EPS8: variants seen among roughly 807,000 people sequenced by gnomAD.
EPS8 encodes the protein epidermal growth factor receptor kinase substrate 8.
Under a neutral mutation model 103.8 loss-of-function variants are expected in EPS8, and 42 were observed. The observed-to-expected ratio is 0.40, with a 90% confidence interval of 0.32 to 0.52. The LOEUF is 0.52. Among genes scored for constraint, EPS8 ranks in the 20% least tolerant of loss-of-function variants. The pLI, the probability that EPS8 is intolerant of heterozygous loss-of-function variation, is 0.40. For synonymous variants in EPS8, 344 were observed against 344.6 expected (o/e 1.00, Z 0.02); for missense variants, 969 against 1,005.1 (o/e 0.96, Z 0.49).
In EPS8 at chr12:15,658,179, A is replaced by G; in HGVS notation, c.1027-26T>C. ...CTGCAACATGAAGAAAACAGAAAAC[A>G]GATTACTATCAAGCAAGACAGACAC... On this transcript the variant is annotated intron_variant, in intron 11 of 20. Coordinates refer to ENST00000281172, the MANE Select transcript of EPS8 (RefSeq NM_004447.6). The G allele has an allele frequency of 1.3e-6, 2 of 1,525,352 alleles. 1 individual carries two copies. The highest frequency in any genetic ancestry group is 3.4e-5 in the Admixed American group (2 of 59,650). 94.5% of individuals were successfully genotyped at this position (1,525,352 alleles called of 1,614,324 possible). A position where few individuals can be genotyped will look rare whatever the true frequency, so the allele number is the denominator to read the frequency against.
intron 1 of EPS8, among the ~76,000 whole-genome samples, chr12:15,773,446 C>CATAT (rs1406100049): frequency 6.6e-6 from 1 of 151,726 alleles, no homozygotes; most frequent in Non-Finnish European, 1.5e-5. Flanking sequence ...TGGTATTAAA[C>CATAT]ATATGCACAG....
intron 1 of EPS8, among the ~76,000 whole-genome samples, chr12:15,732,287 A>G (rs148735238): frequency 6.6e-6 from 1 of 152,332 alleles, no homozygotes; most frequent in African/African-American, 2.4e-5. Flanking sequence ...AATGCATTCC[A>G]TTTTGAGCCC....
intron 1 of EPS8, among the ~76,000 whole-genome samples, chr12:15,746,201 T>C (rs2136012863): frequency 6.6e-6 from 1 of 152,332 alleles, no homozygotes; most frequent in South Asian, 2.1e-4. Context: ...CTGCCCTCAG[T>C]AGCACTGTGT....
chr12:15,735,873 A>G lies in EPS8; in HGVS notation c.-21-52901T>C, dbSNP rs1946762699. Among the ~76,000 whole-genome samples, 1 of 151,990 alleles carries G rather than the reference A, an allele frequency of 6.6e-6. No individual in the cohort carries two copies. Among genetic ancestry groups the G allele is most frequent in the South Asian group, 2.1e-4 (1 of 4,832 alleles). On this transcript the variant is annotated intron_variant, in intron 1 of 20. Coordinates refer to ENST00000281172, the MANE Select transcript of EPS8 (RefSeq NM_004447.6). This position sits in a 1 kb window ranked among gnomAD's most constrained non-coding sequence, Gnocchi z 4.4. ...AGAAAAAAATGCCAATAATAGGACAAAGACAAAGAGTTTGTGTTTTTTTGT... is the reference window on the plus strand; with the variant it reads ...AGAAAAAAATGCCAATAATAGGACAGAGACAAAGAGTTTGTGTTTTTTTGT...
At chr12:15,650,120 C>T (rs1228477225) in intron 14 of EPS8, among the ~76,000 whole-genome samples, 1 of 152,174 alleles carries the variant, frequency 6.6e-6, no homozygotes, top group African/African-American at 2.4e-5. Context: ...ATTCCCTCAA[C>T]TTGATTCCCA....
chr12:15,677,652 A>C (rs1945932339), intron 3 of EPS8, among the ~76,000 whole-genome samples: 1 of 152,248 alleles, frequency 6.6e-6, no homozygotes, highest in Admixed American at 6.5e-5. Flanking sequence ...GTGAGAAAAC[A>C]AATTATATCA....
chr12:15,699,650 G>A (rs1329980086), intron 1 of EPS8, among the ~76,000 whole-genome samples: 1 of 152,138 alleles, frequency 6.6e-6, no homozygotes, highest in East Asian at 1.9e-4. Flanking sequence ...TACCATTCGA[G>A]GCTCGACCAT....
At chr12:15,656,411 C>A (rs1316665009) in intron 12 of EPS8, among the ~76,000 whole-genome samples, 1 of 152,130 alleles carries the variant, frequency 6.6e-6, no homozygotes, top group African/African-American at 2.4e-5. Flanking sequence ...TAGGAGCATT[C>A]ATAAGTTATT....
chr12:15,646,605 AAAT>A (rs2135773388), intron 15 of EPS8, among the ~76,000 whole-genome samples: 1 of 152,364 alleles, frequency 6.6e-6, no homozygotes, highest in East Asian at 1.9e-4. Context: ...AGATATAGAA[AAAT>A]AAATGAAATG....
At chr12:15,624,458 C>A in intron 18 of EPS8, 51 bp from the exon 19 acceptor site, 1 of 1,384,198 alleles carries the variant, frequency 7.2e-7, no homozygotes. Flanking sequence ...AATATTACAT[C>A]ACCCTCTCTA....
At chr12:15,763,814 A>G (rs890360513) in intron 1 of EPS8, among the ~76,000 whole-genome samples, 7 of 152,194 alleles carry the variant, frequency 4.6e-5, no homozygotes, top group African/African-American at 1.7e-4. Flanking sequence ...CACACAGAAC[A>G]TACATAATCC....
At chr12:15,670,465 G>C (rs1945795808) in intron 4 of EPS8, among the ~76,000 whole-genome samples, 1 of 151,788 alleles carries the variant, frequency 6.6e-6, no homozygotes, top group African/African-American at 2.4e-5. Flanking sequence ...CGTAAAAGAG[G>C]GCAAAAACTA....
rs1946350371 is a variant in EPS8 at position 15,704,035 on chromosome 12, A to T, written c.-21-21063T>A. Among the ~76,000 whole-genome samples the T allele has an allele frequency of 1.3e-5, 2 of 152,048 alleles. No homozygotes were observed. The highest frequency in any genetic ancestry group is 1.3e-4 in the Admixed American group (2 of 15,258). On this transcript the variant is annotated intron_variant, in intron 1 of 20. Coordinates refer to ENST00000281172, the MANE Select transcript of EPS8 (RefSeq NM_004447.6). The surrounding 1 kb of genome is among the most constrained non-coding windows in gnomAD (Gnocchi z 4.6). ...GTTACACAAGAAATCCAATGAAGCT[A>T]TCTTCATCCTATTTTAGAAAGTTCA...
rs1054529577 is a variant in EPS8, at chr12:15,661,938, C to G, written c.810+88G>C. On this transcript the variant is annotated intron_variant, in intron 9 of 20. Coordinates refer to ENST00000281172, the MANE Select transcript of EPS8 (RefSeq NM_004447.6). ...AAAACATGGTTTCCATAAAATATCTCTATTTAAATCAGCTTCATTTTCTTA... is the reference window on the plus strand; with the variant it reads ...AAAACATGGTTTCCATAAAATATCTGTATTTAAATCAGCTTCATTTTCTTA... 22 of 932,926 alleles carry G rather than the reference C, an allele frequency of 2.4e-5. No individual in the cohort carries two copies. The African/African-American group carries it at 3.5e-4, about 15-fold the overall frequency. The allele number at this position is 932,926 out of a possible 1,614,324, so 57.8% of individuals were successfully genotyped here.
Position 15,714,968 on chromosome 12 carries a change from G to A in EPS8, c.-21-31996C>T, listed in dbSNP as rs1484079201. ...TCCTGAAAATTCTGACCCATCCCCT[G>A]GGCCATTCCTTCCCATCTCCAGCAC... On this transcript the variant is annotated intron_variant, in intron 1 of 20. Transcript: ENST00000281172. This position sits in a 1 kb window ranked among gnomAD's most constrained non-coding sequence, Gnocchi z 4.1. 1.3e-5 allele frequency among the ~76,000 whole-genome samples: 2 copies of A among 151,980 alleles called. No individual in the cohort carries two copies. Among genetic ancestry groups the A allele is most frequent in the Non-Finnish European group, 1.5e-5 (1 of 67,990 alleles).
rs1946250708 is a variant in EPS8 at position 15,696,898 on chromosome 12, G to C, written c.-21-13926C>G. 6.6e-6 allele frequency among the ~76,000 whole-genome samples: 1 copy of C among 152,186 alleles called. No homozygotes were observed. Among genetic ancestry groups the C allele is most frequent in the Non-Finnish European group, 1.5e-5 (1 of 68,036 alleles). Reference sequence around the variant, plus strand: ...GGTGTTTGGATTAGCAGGGAAGGGAGAGTGACCAAAGAACCTTCATGTTCC... The same window carrying C: ...GGTGTTTGGATTAGCAGGGAAGGGACAGTGACCAAAGAACCTTCATGTTCC... On this transcript the variant is annotated intron_variant, in intron 1 of 20. Transcript: ENST00000281172. This position sits in a 1 kb window ranked among gnomAD's most constrained non-coding sequence, Gnocchi z 4.8.
At position 15,654,139 on chromosome 12, in the gene EPS8, G is replaced by A; in HGVS notation, c.1250+6C>T. 1 of 1,612,836 alleles carries A rather than the reference G, an allele frequency of 6.2e-7. No homozygotes were observed. Among genetic ancestry groups the A allele is most frequent in the Non-Finnish European group, 8.5e-7 (1 of 1,179,044 alleles). ...ACTTAAGGCATTATAGGTGGTAAAT[G>A]CTTACCTGGCTTTCATCCAAGTTCC... On this transcript the variant is annotated splice_donor_region_variant and intron_variant, in intron 13 of 20. Coordinates refer to ENST00000281172, the MANE Select transcript of EPS8 (RefSeq NM_004447.6).
At chr12:15,679,455 T>C (rs1669313398) in intron 3 of EPS8, among the ~76,000 whole-genome samples, 1 of 152,212 alleles carries the variant, frequency 6.6e-6, no homozygotes, top group South Asian at 2.1e-4. Flanking sequence ...GCATAAATTA[T>C]ATACTAGCCA....
rs937763491 is a variant in EPS8, at chr12:15,659,245, C to T, written c.938-660G>A. Among the ~76,000 whole-genome samples, 8 of 151,982 alleles carry T rather than the reference C, an allele frequency of 5.3e-5. No homozygotes were observed. In the East Asian group the frequency reaches 9.6e-4, roughly 18 times the overall value. On this transcript the variant is annotated intron_variant, in intron 10 of 20. Coordinates refer to ENST00000281172, the MANE Select transcript of EPS8 (RefSeq NM_004447.6). ...TTAAATCAATAGAACATGGAACTAG[C>T]GTGCTTTACAGCAGAAGAATGAAGT... is the stretch of plus-strand genomic sequence containing the variant.
Sources: gnomAD v4.1 joint callset for allele counts (sites outside exome capture counted in the v4.1 genomes callset) on GRCh38, gnomAD v4.1.1 for gene constraint, Gnocchi (gnomAD v3.1) non-coding constraint, MANE v1.5 for transcripts, NCBI Gene and HGNC (gene_info 2026-07-23, HGNC 2026-07-21) for gene names.